The following SDCCAG8 variants were observed in gnomAD, a reference collection of about 807,000 sequenced individuals.
SDCCAG8 encodes the protein SHH signaling and ciliogenesis regulator SDCCAG8.
SDCCAG8 carries 74 observed loss-of-function variants against 101.8 expected under a neutral mutation model. The observed-to-expected ratio is 0.73, with a 90% CI of 0.60 to 0.88. The LOEUF is 0.88. SDCCAG8 is among the 40% of genes least tolerant of loss of function. The probability of loss-of-function intolerance (pLI) is 0.00; values close to 1 mark genes in which losing one functional copy is unlikely to be tolerated. For missense variants in SDCCAG8, 787 were observed against 822.6 expected (o/e 0.96, Z 0.53); for synonymous variants, 281 against 292.9 (o/e 0.96, Z 0.41).
intron 10 of SDCCAG8, among the ~76,000 whole-genome samples, chr1:243,335,300 A>G (rs2074921677): frequency 6.6e-6 from 1 of 152,326 alleles, no homozygotes; most frequent in East Asian, 1.9e-4. Context: ...CCTGTAACCA[A>G]TATGAATAAG....
At chr1:243,435,846 A>G (rs2082093645) in intron 16 of SDCCAG8, among the ~76,000 whole-genome samples, 1 of 151,768 alleles carries the variant, frequency 6.6e-6, no homozygotes, top group East Asian at 1.9e-4. Flanking sequence ...TTACAATCGT[A>G]TTTTCAGCAT....
chr1:243,431,365 G>A (rs1226316709), intron 16 of SDCCAG8, among the ~76,000 whole-genome samples: 1 of 152,140 alleles, frequency 6.6e-6, no homozygotes, highest in Non-Finnish European at 1.5e-5. Flanking sequence ...TGGAGAAGAG[G>A]AGCGTGTCAA....
At chr1:243,350,174 A>C (rs1380654954) in intron 12 of SDCCAG8, among the ~76,000 whole-genome samples, 1 of 152,046 alleles carries the variant, frequency 6.6e-6, no homozygotes, top group East Asian at 1.9e-4. Context: ...AAGGAGAAGA[A>C]GGCCTGCCTG....
chr1:243,280,569 A>G (rs1043155262), intron 4 of SDCCAG8, among the ~76,000 whole-genome samples: 1 of 151,320 alleles, frequency 6.6e-6, no homozygotes, highest in African/African-American at 2.4e-5. Flanking sequence ...ATTTTTTTAC[A>G]CTCCTTTTGC....
At chr1:243,492,396 G>A (rs1200193117) in intron 17 of SDCCAG8, among the ~76,000 whole-genome samples, 1 of 131,828 alleles carries the variant, frequency 7.6e-6, no homozygotes, top group African/African-American at 2.8e-5. Flanking sequence ...CCGCCTCCCG[G>A]CTTCAAGTGA....
At chr1:243,281,594 T>C (rs2069048723) in intron 4 of SDCCAG8, among the ~76,000 whole-genome samples, 1 of 152,042 alleles carries the variant, frequency 6.6e-6, no homozygotes, top group African/African-American at 2.4e-5. Context: ...ATTATCTTCA[T>C]TGTCTTTATT....
At chr1:243,384,026 C>T (rs973350673) in intron 13 of SDCCAG8, among the ~76,000 whole-genome samples, 3 of 152,132 alleles carry the variant, frequency 2.0e-5, no homozygotes, top group Admixed American at 6.5e-5. Flanking sequence ...CAGAAAGGAG[C>T]GCTTCTCCCC....
At chr1:243,430,571 T>G (rs986692218) in intron 16 of SDCCAG8, among the ~76,000 whole-genome samples, 2 of 152,044 alleles carry the variant, frequency 1.3e-5, no homozygotes, top group African/African-American at 2.4e-5. Flanking sequence ...CCCGAGTAGC[T>G]GGGACCACAG....
intron 6 of SDCCAG8, among the ~76,000 whole-genome samples, chr1:243,296,535 C>CTTTTTTTTTTTTTTT (rs756242066): frequency 5.2e-5 from 3 of 57,948 alleles, no homozygotes; most frequent in African/African-American, 1.5e-4. Flanking sequence ...CCCAACTGCT[C>CTTTTTTTTTTTTTTT]TTTTTTTTTT....
At chr1:243,398,056 A>G (rs1293850390) in intron 13 of SDCCAG8, among the ~76,000 whole-genome samples, 1 of 152,228 alleles carries the variant, frequency 6.6e-6, no homozygotes, top group Non-Finnish European at 1.5e-5. Context: ...ATCACCGGGA[A>G]AAATGATGAC....
chr1:243,402,033 G>C (rs577687065), intron 13 of SDCCAG8, among the ~76,000 whole-genome samples: 3 of 152,266 alleles, frequency 2.0e-5, no homozygotes, highest in African/African-American at 7.2e-5. Context: ...GGTAGACAAA[G>C]GAGTGGCACT....
intron 17 of SDCCAG8, among the ~76,000 whole-genome samples, chr1:243,493,386 T>G (rs1008442106): frequency 1.3e-5 from 2 of 152,124 alleles, no homozygotes; most frequent in Non-Finnish European, 2.9e-5. Context: ...AACATGAGTC[T>G]TGGGGAGAAT....
At chr1:243,330,805 T>C in intron 10 of SDCCAG8, 113 bp downstream of exon 10, 1 of 975,686 alleles carries the variant, frequency 1.0e-6, no homozygotes, top group South Asian at 1.5e-5. Context: ...AAAATCGTTA[T>C]TATATAAGTA....
At chr1:243,404,037 G>A (rs1344251975) in intron 13 of SDCCAG8, among the ~76,000 whole-genome samples, 1 of 152,230 alleles carries the variant, frequency 6.6e-6, no homozygotes, top group Non-Finnish European at 1.5e-5. Flanking sequence ...TTGATGCTAA[G>A]TCTAGCACAC....
At chr1:243,360,944 A>AC (rs2076675924) in intron 12 of SDCCAG8, among the ~76,000 whole-genome samples, 1 of 152,038 alleles carries the variant, frequency 6.6e-6, no homozygotes, top group Non-Finnish European at 1.5e-5. Context: ...TCAAACAGTG[A>AC]CCCCCTCATG....
intron 1 of SDCCAG8, among the ~76,000 whole-genome samples, chr1:243,259,285 T>C (rs1211331666): frequency 6.6e-6 from 1 of 151,236 alleles, no homozygotes; most frequent in Non-Finnish European, 1.5e-5. Context: ...CGGGCGCCTG[T>C]AGTCCCAGCT....
chr1:243,438,508 G>A (rs2082301972), intron 16 of SDCCAG8, among the ~76,000 whole-genome samples: 2 of 150,608 alleles, frequency 1.3e-5, no homozygotes, highest in Middle Eastern at 3.4e-3. Context: ...TTGTTAGAGT[G>A]GGAGTGATTG....
At chr1:243,332,783 G>A (rs2074716242) in intron 10 of SDCCAG8, among the ~76,000 whole-genome samples, 1 of 150,530 alleles carries the variant, frequency 6.6e-6, no homozygotes, top group Non-Finnish European at 1.5e-5. Context: ...GGTGATTATC[G>A]TGGTCCCGGT....
At chr1:243,305,032 C>T (rs1215629802) in intron 7 of SDCCAG8, 7 of 423,698 alleles carry the variant, frequency 1.7e-5, no homozygotes, top group South Asian at 7.2e-5. Context: ...CACGGCCGGG[C>T]GCGGTGGCTC....
Sources: allele counts gnomAD v4.1 joint callset (sites outside exome capture counted in the v4.1 genomes callset), GRCh38; gene constraint gnomAD v4.1.1; transcripts MANE v1.5; gene names NCBI Gene and HGNC (gene_info 2026-07-23, HGNC 2026-07-21).